DPYSL3: variants seen among roughly 807,000 people sequenced by gnomAD.
DPYSL3 encodes dihydropyrimidinase-related protein 3.
A neutral mutation model predicts 66.1 loss-of-function variants in DPYSL3; 16 were observed. The ratio of observed to expected loss-of-function variants is 0.24; its 90% CI spans 0.16 to 0.37. The LOEUF (loss-of-function observed/expected upper bound fraction) is 0.37, where lower values mean the gene tolerates loss of function less well. Ranked by LOEUF, DPYSL3 falls within the 10% of genes least tolerant of loss-of-function variation. The pLI is 1.00. For synonymous variants in DPYSL3, 338 were observed against 345.1 expected (o/e 0.98, Z 0.23); for missense variants, 738 against 916.2 (o/e 0.81, Z 2.51).
intron 1 of DPYSL3, among the ~76,000 whole-genome samples, chr5:147,426,657 ACGT>A (rs1244001940): frequency 6.6e-6 from 1 of 152,132 alleles, no homozygotes; most frequent in African/African-American, 2.4e-5. Context: ...CTGTTTGAGA[ACGT>A]CAGCTTTCAA....
At position 147,505,671 on chromosome 5, in the gene DPYSL3, G is replaced by A. The variant is rs1289733544; in HGVS notation, c.381+3807C>T. 2.6e-5 allele frequency among the ~76,000 whole-genome samples: 4 copies of A among 152,126 alleles called. No homozygotes were observed. In the East Asian group the frequency reaches 7.7e-4, roughly 29 times the overall value. ...ACAAAGCATATTTTGATTTTACCAA[G>A]ACACTTAAAATATCTTTTGATAGCT... On this transcript the variant is annotated intron_variant, in intron 1 of 13. Coordinates refer to ENST00000343218, the MANE Select transcript of DPYSL3 (RefSeq NM_001197294.2).
chr5:147,401,526 A>C lies in DPYSL3; in HGVS notation c.1310+14T>G. 2 of 1,602,020 alleles carry C rather than the reference A, an allele frequency of 1.2e-6. No homozygotes were observed. The highest frequency in any genetic ancestry group is 8.5e-7 in the Non-Finnish European group (1 of 1,173,384). On this transcript the variant is annotated intron_variant, in intron 9 of 13. Transcript: ENST00000343218. The stretch of plus-strand genomic sequence containing the variant: ...TTTCACAAAACGCCTGCTGCTGGGC[A>C]TTCCTGCACCAACCTGGCCAGCAAG...
chr5:147,405,632 G>T lies in DPYSL3; in HGVS notation c.1131C>A (p.Leu377=), dbSNP rs1473378891. The T allele has an allele frequency of 6.2e-7, 1 of 1,612,410 alleles. No individual in the cohort carries two copies. The highest frequency in any genetic ancestry group is 1.1e-5 in the South Asian group (1 of 90,760). The change falls in exon 8 of 14, where the codon CTC becomes CTA. Residue 377 remains leucine (L), a synonymous_variant. Transcript: ENST00000343218. The part of the protein sequence containing the change: ...TKVMSKSAAD[L]ISQARKKGNV... ...CACCTTTTTTCCTGGCTTGTGAGAT[G>T]AGGTCAGCTGCACTCTTGCTCATGA...
intron 1 of DPYSL3, among the ~76,000 whole-genome samples, chr5:147,434,347 T>C: frequency 6.6e-6 from 1 of 152,216 alleles, no homozygotes; most frequent in East Asian, 1.9e-4. Context: ...TGCTTTGCAT[T>C]GTTCCTTTTT....
At chr5:147,413,048 C>T (rs536363904) in intron 5 of DPYSL3, among the ~76,000 whole-genome samples, 1 of 152,340 alleles carries the variant, frequency 6.6e-6, no homozygotes, top group East Asian at 1.9e-4. Context: ...AAAACCACTA[C>T]AGCCAGGCCA....
chr5:147,416,293 T>A (rs1409118719), intron 3 of DPYSL3, among the ~76,000 whole-genome samples: 1 of 151,396 alleles, frequency 6.6e-6, no homozygotes, highest in African/African-American at 2.4e-5. Context: ...TGTGGGGAGG[T>A]CACTGCTAGT....
intron 1 of DPYSL3, among the ~76,000 whole-genome samples, chr5:147,478,185 A>T (rs947883944): frequency 2.6e-5 from 4 of 152,244 alleles, no homozygotes; most frequent in African/African-American, 9.6e-5. Context: ...GAGGGAGTTC[A>T]TAGGTCTTCT....
Position 147,413,751 on chromosome 5 carries a change from C to G in DPYSL3, c.821-94G>C, listed in dbSNP as rs558051038. The G allele has an allele frequency of 2.7e-4, 264 of 981,378 alleles. 3 individuals carry two copies. Among genetic ancestry groups the G allele is most frequent in the South Asian group, 2.6e-3 (185 of 72,370 alleles). 60.8% of individuals were successfully genotyped at this position (981,378 alleles called of 1,614,324 possible). On this transcript the variant is annotated intron_variant, in intron 4 of 13. Transcript: ENST00000343218. ...CTCCCACTTCCATCGACCATAGCAC[C>G]CAGCTGCATTACCCGGGCTCCTGTC...
At chr5:147,466,219 G>A (rs1024498060) in intron 1 of DPYSL3, among the ~76,000 whole-genome samples, 2 of 152,094 alleles carry the variant, frequency 1.3e-5, no homozygotes, top group African/African-American at 2.4e-5. Context: ...CCTTTACATG[G>A]GGTTTGCTGC....
chr5:147,394,133 G>A lies in DPYSL3; in HGVS notation c.1967-10C>T, dbSNP rs371799829. The A allele has an allele frequency of 6.1e-5, 98 of 1,612,878 alleles. 2 individuals are homozygous for A. Among genetic ancestry groups the A allele is most frequent in the East Asian group, 5.8e-4 (26 of 44,764 alleles). On this transcript the variant is annotated splice_polypyrimidine_tract_variant and intron_variant, in intron 13 of 13. Transcript: ENST00000343218. ...TCATCCACTTGGGTGCCTACAGTTGGAAATAAATTCCCAGGGGGAAAAAAA... is the reference window on the plus strand; with the variant it reads ...TCATCCACTTGGGTGCCTACAGTTGAAAATAAATTCCCAGGGGGAAAAAAA...
intron 1 of DPYSL3, among the ~76,000 whole-genome samples, chr5:147,448,726 T>C (rs1752672918): frequency 6.6e-6 from 1 of 152,188 alleles, no homozygotes; most frequent in Non-Finnish European, 1.5e-5. Context: ...ATCTATTTCT[T>C]CAGAATTCCT....
At chr5:147,508,331 T>C (rs1753710033) in intron 1 of DPYSL3, among the ~76,000 whole-genome samples, 1 of 152,208 alleles carries the variant, frequency 6.6e-6, no homozygotes, top group African/African-American at 2.4e-5. Flanking sequence ...ACTAGCTCAT[T>C]GCATTTTAAT....
intron 7 of DPYSL3, among the ~76,000 whole-genome samples, chr5:147,408,381 CT>C (rs1751764796): frequency 6.6e-6 from 1 of 152,126 alleles, no homozygotes; most frequent in African/African-American, 2.4e-5. Context: ...CATTCAACAT[CT>C]TATCTATATG....
At chr5:147,396,157 C>T (rs1757964016) in intron 12 of DPYSL3, among the ~76,000 whole-genome samples, 1 of 152,116 alleles carries the variant, frequency 6.6e-6, no homozygotes, top group African/African-American at 2.4e-5. Context: ...CACGAGGTCG[C>T]AGGTCCTGGC....
At chr5:147,444,699 A>G (rs768043092) in intron 1 of DPYSL3, among the ~76,000 whole-genome samples, 2 of 152,202 alleles carry the variant, frequency 1.3e-5, no homozygotes, top group Non-Finnish European at 2.9e-5. Flanking sequence ...ATCTGTGTTA[A>G]CTGGCCCCAC....
chr5:147,471,531 T>C (rs960330587), intron 1 of DPYSL3, among the ~76,000 whole-genome samples: 6 of 152,160 alleles, frequency 3.9e-5, no homozygotes, highest in Non-Finnish European at 7.3e-5. Context: ...AAGAATTCGA[T>C]TGGCTCTGCT....
intron 1 of DPYSL3, among the ~76,000 whole-genome samples, chr5:147,429,004 G>T (rs1400732227): frequency 1.3e-5 from 2 of 152,190 alleles, no homozygotes; most frequent in East Asian, 3.9e-4. Flanking sequence ...ATATGGCTCA[G>T]TGGGCCTCTT....
rs1185045089 is a variant in DPYSL3, at chr5:147,494,986, T to A, written c.381+14492A>T. ...AGAGCCAGTTCCTCGAAAGGCATAATTTGCCAAAACTCCCACAAGAAGAAA... is the reference window on the plus strand; with the variant it reads ...AGAGCCAGTTCCTCGAAAGGCATAAATTGCCAAAACTCCCACAAGAAGAAA... On this transcript the variant is annotated intron_variant, in intron 1 of 13. Transcript: ENST00000343218. Among the ~76,000 whole-genome samples, 9 of 152,068 alleles carry A rather than the reference T, an allele frequency of 5.9e-5. No individual in the cohort carries two copies. The East Asian group carries it at 1.7e-3, about 29-fold the overall frequency.
chr5:147,422,807 G>A (rs1252839387), intron 2 of DPYSL3, among the ~76,000 whole-genome samples: 1 of 151,866 alleles, frequency 6.6e-6, no homozygotes, highest in East Asian at 1.9e-4. Context: ...TGAACAATGA[G>A]AACATATGGG....
Sources: gnomAD v4.1 joint callset for allele counts (sites outside exome capture counted in the v4.1 genomes callset) on GRCh38, gnomAD v4.1.1 for gene constraint, MANE v1.5 for transcripts, NCBI Gene and HGNC (gene_info 2026-07-23, HGNC 2026-07-21) for gene names.